C19orf53: variants seen among roughly 807,000 people sequenced by gnomAD.
The protein encoded by C19orf53 is leydig cell tumor 10 kDa protein homolog.
Under a neutral mutation model 6.5 loss-of-function variants are expected in C19orf53, and 9 were observed. The ratio of observed to expected loss-of-function variants is 1.38; its 90% confidence interval spans 0.83 to 2.40. The LOEUF is 2.40. C19orf53 is among the 30% of genes most tolerant of loss of function. C19orf53 has a pLI of 0.00. For synonymous variants in C19orf53, 68 were observed against 52.5 expected (o/e 1.29, Z -1.27); for missense variants, 166 against 129.7 (o/e 1.28, Z -1.36).
At position 13,774,534 on chromosome 19, in the gene C19orf53, A is replaced by G. The variant is rs80019370; in HGVS notation, c.57A>G (p.Ala19=). The change falls in exon 1 of 3, where the codon GCA becomes GCG. Residue 19 remains alanine, a synonymous_variant. Transcript: ENST00000588234. ...QAHKPAKSKT[A]AAASEKNRGP... is the part of the protein sequence containing the mutation. ...ACAAACCCGCAAAGAGTAAGACGGCAGCGGCAGCCTCTGAAAAGAATCGGG... is the reference window on the plus strand; with the variant it reads ...ACAAACCCGCAAAGAGTAAGACGGCGGCGGCAGCCTCTGAAAAGAATCGGG... The G allele has an allele frequency of 3.7e-6, 6 of 1,613,920 alleles. No homozygotes were observed. Among genetic ancestry groups the G allele is most frequent in the African/African-American group, 1.3e-5 (1 of 75,070 alleles).
At chr19:13,777,941 G>C in intron 2 of C19orf53, 111 bp from the exon 3 acceptor site, 1 of 1,376,326 alleles carries the variant, frequency 7.3e-7, no homozygotes, top group Non-Finnish European at 9.9e-7. Flanking sequence ...GCGGTTCGAG[G>C]GGATAGTTGC....
In C19orf53 at chr19:13,774,962, G is replaced by A. The variant is rs1193981564; in HGVS notation, c.153+255G>A. The A allele has an allele frequency of 5.3e-6, 3 of 561,356 alleles. No homozygotes were observed. The Admixed American group carries it at 9.5e-5, about 18-fold the overall frequency. 34.8% of individuals were successfully genotyped at this position (561,356 alleles called of 1,614,324 possible). On this transcript the variant is annotated intron_variant, in intron 2 of 2. Coordinates refer to ENST00000588234, the MANE Select transcript of C19orf53 (RefSeq NM_014047.3). ...GGGGGACGTGCTAGGGACGAGAGATGAAATCTGGAGGCCGGCGAGGGAAGG... is the reference window on the plus strand; with the variant it reads ...GGGGGACGTGCTAGGGACGAGAGATAAAATCTGGAGGCCGGCGAGGGAAGG...
Position 13,774,668 on chromosome 19 carries a change from C to T in C19orf53, c.114C>T (p.Pro38=). ...GPRKGGRVIA[P]KKARVVQQQK... ...TTTCCCCAGGTCGTGTTATCGCTCC[C>T]AAGAAGGCGCGCGTCGTGCAGCAGC... The change falls in exon 2 of 3, where the codon CCC becomes CCT. Residue 38 remains proline, a synonymous_variant. Coordinates refer to ENST00000588234, the MANE Select transcript of C19orf53 (RefSeq NM_014047.3). The T allele has an allele frequency of 6.2e-7, 1 of 1,610,304 alleles. No homozygotes were observed. The highest frequency in any genetic ancestry group is 8.5e-7 in the Non-Finnish European group (1 of 1,176,782).
In C19orf53 at chr19:13,778,376, G is replaced by A. The variant is rs189118512; in HGVS notation, c.*178G>A. 4.3e-4 allele frequency: 292 copies of A among 681,624 alleles called. 1 individual carries two copies. The African/African-American group carries it at 5.0e-3, about 12-fold the overall frequency. The allele number at this position is 681,624 out of a possible 1,614,324, so 42.2% of individuals were successfully genotyped here. On this transcript the variant is annotated 3_prime_UTR_variant, in exon 3 of 3. Transcript: ENST00000588234. ...ACCCAGCAATGACCAGGAAGATACA[G>A]TCACTAACTTCATCTGTCCCCGTGC...
intron 2 of C19orf53, 88 bp downstream of exon 2, chr19:13,774,795 C>T (rs1215405895): frequency 1.3e-6 from 2 of 1,492,400 alleles, no homozygotes. Flanking sequence ...GGGTGGAGCC[C>T]GGGGATCAGT....
chr19:13,778,151 A>G lies in C19orf53; in HGVS notation c.253A>G (p.Lys85Glu). Residue 85 changes from lysine (K) to glutamate (E), a missense_variant, in exon 3 of 3, where the codon AAG becomes GAG. Transcript: ENST00000588234. ...KKLALLKAPAKKKGAAAATSS... is the reference protein window; with the variant it reads ...KKLALLKAPAEKKGAAAATSS... ...GCTGGCACTGCTGAAGGCCCCAGCC[A>G]AGAAGAAAGGGGCAGCTGCCGCCAC... 6.2e-7 allele frequency: 1 copy of G among 1,612,502 alleles called. No homozygotes were observed. The highest frequency in any genetic ancestry group is 8.5e-7 in the Non-Finnish European group (1 of 1,179,038).
At chr19:13,778,023 A>T in intron 2 of C19orf53, 29 bp from the exon 3 acceptor site, 1 of 1,588,662 alleles carries the variant, frequency 6.3e-7, no homozygotes, top group Non-Finnish European at 8.6e-7. Flanking sequence ...CCCAGGTCAC[A>T]ATCTGACTGC....
In C19orf53 at chr19:13,774,684, G is replaced by C. The variant is rs775883437; in HGVS notation, c.130G>C (p.Val44Leu). 1.9e-6 allele frequency: 3 copies of C among 1,608,730 alleles called. No individual in the cohort carries two copies. The highest frequency in any genetic ancestry group is 1.7e-5 in the Admixed American group (1 of 59,874). Residue 44 changes from valine to leucine, a missense_variant, in exon 2 of 3, where the codon GTG becomes CTG. Coordinates refer to ENST00000588234, the MANE Select transcript of C19orf53 (RefSeq NM_014047.3). ...TATCGCTCCCAAGAAGGCGCGCGTC[G>C]TGCAGCAGCAAAAGCTCAAGAAGGT... is the stretch of plus-strand genomic sequence containing the variant. ...RVIAPKKARVVQQQKLKKNLE... is the reference protein window; with the variant it reads ...RVIAPKKARVLQQQKLKKNLE...
At chr19:13,776,968 T>TTTGTTTTTGTTTC in intron 2 of C19orf53, among the ~76,000 whole-genome samples, 1 of 152,348 alleles carries the variant, frequency 6.6e-6, no homozygotes, top group South Asian at 2.1e-4. Flanking sequence ...GTTTTTGTTT[T>TTTGTTTTTGTTTC]GAGATAGAGT....
chr19:13,774,743 C>A, intron 2 of C19orf53, 36 bp downstream of exon 2: 6 of 1,560,826 alleles, frequency 3.8e-6, no homozygotes, highest in Non-Finnish European at 5.2e-6. Flanking sequence ...CGGAGGGCGG[C>A]GAGTAGCGAG....
chr19:13,777,336 C>T (rs545683106), intron 2 of C19orf53, among the ~76,000 whole-genome samples: 1 of 152,236 alleles, frequency 6.6e-6, no homozygotes, highest in African/African-American at 2.4e-5. Context: ...GCCTGGACCT[C>T]CTGGGCTCGA....
At chr19:13,774,820 G>A in intron 2 of C19orf53, 113 bp downstream of exon 2, 1 of 1,376,682 alleles carries the variant, frequency 7.3e-7, no homozygotes, top group Non-Finnish European at 9.9e-7. Context: ...GGAGAGGGTG[G>A]ATCCTGGGGA....
intron 2 of C19orf53, chr19:13,774,995 G>A (rs13346983): frequency 0.015 from 8,340 of 541,340 alleles, 530 homozygotes; most frequent in African/African-American, 0.14. Flanking sequence ...AGGAGCACAG[G>A]GATCGGCAAA....
rs746725902 is a variant in C19orf53 at position 13,774,517 on chromosome 19, G to A, written c.40G>A (p.Ala14Thr). The change falls in exon 1 of 3, where the codon GCA becomes ACA. Residue 14 changes from alanine (A) to threonine (T), a missense_variant. Physicochemically the swap from Ala to Thr is moderately conservative, Grantham distance 58. Coordinates refer to ENST00000588234, the MANE Select transcript of C19orf53 (RefSeq NM_014047.3). Reference protein sequence around the residue: ...GQRKFQAHKPAKSKTAAAASE... With the variant: ...GQRKFQAHKPTKSKTAAAASE... ...GCGCAAGTTTCAGGCGCACAAACCC[G>A]CAAAGAGTAAGACGGCAGCGGCAGC... The A allele has an allele frequency of 1.9e-6, 3 of 1,613,462 alleles. No individual in the cohort carries two copies. The highest frequency in any genetic ancestry group is 2.5e-6 in the Non-Finnish European group (3 of 1,179,696).
At position 13,774,484 on chromosome 19, in the gene C19orf53, C is replaced by G; in HGVS notation, c.7C>G (p.Gln3Glu). The G allele has an allele frequency of 1.9e-6, 3 of 1,605,890 alleles. No homozygotes were observed. The highest frequency in any genetic ancestry group is 2.5e-6 in the Non-Finnish European group (3 of 1,176,528). The change falls in exon 1 of 3, where the codon CAG becomes GAG. Residue 3 changes from glutamine (Q) to glutamate (E), a missense_variant. Coordinates refer to ENST00000588234, the MANE Select transcript of C19orf53 (RefSeq NM_014047.3). Reference sequence around the variant, plus strand: ...TTCCGCTGCGTGCCGGACCATGGCGCAGGGGCAGCGCAAGTTTCAGGCGCA... The same window carrying G: ...TTCCGCTGCGTGCCGGACCATGGCGGAGGGGCAGCGCAAGTTTCAGGCGCA... MA[Q>E]GQRKFQAHKP...
chr19:13,776,008 G>A (rs1974367051), intron 2 of C19orf53, among the ~76,000 whole-genome samples: 1 of 151,808 alleles, frequency 6.6e-6, no homozygotes, highest in Non-Finnish European at 1.5e-5. Context: ...CCAGGCTGGA[G>A]TGCAGTTGAG....
At chr19:13,777,714 A>C (rs78922032) in intron 2 of C19orf53, among the ~76,000 whole-genome samples, 7,917 of 152,256 alleles carry the variant, frequency 0.052, 259 homozygotes, top group Non-Finnish European at 0.072. Flanking sequence ...CTGCCCTTCT[A>C]GAGGCTGGGA....
In C19orf53 at chr19:13,778,318, C is replaced by T; in HGVS notation, c.*120C>T. 1 of 1,271,644 alleles carries T rather than the reference C, an allele frequency of 7.9e-7. No homozygotes were observed. Among genetic ancestry groups the T allele is most frequent in the Non-Finnish European group, 1.0e-6 (1 of 960,784 alleles). 78.8% of individuals were successfully genotyped at this position (1,271,644 alleles called of 1,614,324 possible). A position where few individuals can be genotyped will look rare whatever the true frequency, so the allele number is the denominator to read the frequency against. Reference sequence around the variant, plus strand: ...CCTGTCCCCCAGCACTGGGCTTCACCTAGAACTTCAGTGGGGGCCAAGGGT... The same window carrying T: ...CCTGTCCCCCAGCACTGGGCTTCACTTAGAACTTCAGTGGGGGCCAAGGGT... On this transcript the variant is annotated 3_prime_UTR_variant, in exon 3 of 3. Coordinates refer to ENST00000588234, the MANE Select transcript of C19orf53 (RefSeq NM_014047.3).
Position 13,778,336 on chromosome 19 carries a change from C to T in C19orf53, c.*138C>T, listed in dbSNP as rs996410819. The T allele has an allele frequency of 4.6e-6, 5 of 1,093,800 alleles. No individual in the cohort carries two copies. In the African/African-American group the frequency reaches 6.4e-5, roughly 14 times the overall value. 67.8% of individuals were successfully genotyped at this position (1,093,800 alleles called of 1,614,324 possible). A position where few individuals can be genotyped will look rare whatever the true frequency, so the allele number is the denominator to read the frequency against. ...GCTTCACCTAGAACTTCAGTGGGGG[C>T]CAAGGGTGCTGAGAACCCAGCAATG... On this transcript the variant is annotated 3_prime_UTR_variant, in exon 3 of 3. Coordinates refer to ENST00000588234, the MANE Select transcript of C19orf53 (RefSeq NM_014047.3).
Sources: gnomAD v4.1 joint callset for allele counts (sites outside exome capture counted in the v4.1 genomes callset) on GRCh38, gnomAD v4.1.1 for gene constraint, MANE v1.5 for transcripts, NCBI Gene and HGNC (gene_info 2026-07-23, HGNC 2026-07-21) for gene names.